PGR: variants seen among roughly 807,000 people sequenced by gnomAD.
PGR encodes the protein nuclear receptor subfamily 3 group C member 3.
A neutral mutation model predicts 76.1 loss-of-function variants in PGR; 25 were observed. The observed-to-expected ratio is 0.33, with a 90% CI of 0.24 to 0.46. The LOEUF (loss-of-function observed/expected upper bound fraction) is 0.46, where lower values mean the gene tolerates loss of function less well. PGR is among the 20% of genes least tolerant of loss of function. The pLI, the probability that PGR is intolerant of heterozygous loss-of-function variation, is 1.00. For missense variants in PGR, 1,172 were observed against 1,225.3 expected, an observed-to-expected ratio of 0.96 and a Z score of 0.65; for synonymous variants, 579 against 535.0, an observed-to-expected ratio of 1.08 and a Z score of -1.14.
intron 4 of PGR, among the ~76,000 whole-genome samples, chr11:101,053,899 T>C (rs941228901): frequency 2.0e-5 from 3 of 152,136 alleles, no homozygotes; most frequent in African/African-American, 4.8e-5. Context: ...ACCTTCCTAC[T>C]TTCCCACGGA....
intron 6 of PGR, 106 bp from the exon 7 acceptor site, chr11:101,042,208 T>A: frequency 8.5e-7 from 1 of 1,174,686 alleles, no homozygotes; most frequent in Non-Finnish European, 1.2e-6. Context: ...GATACATGAC[T>A]CTAGAAAAAA....
At position 101,127,596 on chromosome 11, in the gene PGR, C is replaced by G. The variant is rs753242711; in HGVS notation, c.1475G>C (p.Arg492Pro). 1.6e-5 allele frequency: 21 copies of G among 1,304,664 alleles called. No individual in the cohort carries two copies. Among genetic ancestry groups the G allele is most frequent in the Non-Finnish European group, 1.9e-5 (20 of 1,035,618 alleles). The allele number at this position is 1,304,664 out of a possible 1,614,324, so 80.8% of individuals were successfully genotyped here. A position where few individuals can be genotyped will look rare whatever the true frequency, so the allele number is the denominator to read the frequency against. Residue 492 changes from arginine to proline, a missense_variant, in exon 1 of 8, where the codon CGG (arginine) becomes CCG (proline). This residue lies in a region of PGR where 893 missense variants were observed against 785.9 expected (regional missense o/e 1.14). Coordinates refer to ENST00000325455, the MANE Select transcript of PGR (RefSeq NM_000926.4). ...APGASGCLLP[R>P]DGLPSTSASA... ...GGCGGAGGTGGAGGGCAGGCCGTCCCGCGGGAGCAGGCAGCCGCTCGCGCC... is the reference window on the plus strand; with the variant it reads ...GGCGGAGGTGGAGGGCAGGCCGTCCGGCGGGAGCAGGCAGCCGCTCGCGCC...
At chr11:101,094,280 A>G (rs1008308732) in intron 2 of PGR, among the ~76,000 whole-genome samples, 8 of 152,158 alleles carry the variant, frequency 5.3e-5, no homozygotes, top group African/African-American at 1.9e-4. Flanking sequence ...TGACTTGTAT[A>G]TTCACTATTC....
At chr11:101,115,686 G>A (rs472800) in intron 2 of PGR, among the ~76,000 whole-genome samples, 38,216 of 151,920 alleles carry the variant, frequency 0.25, 5,758 homozygotes, top group Non-Finnish European at 0.35. Flanking sequence ...CAGGAGAATC[G>A]CTTGAACCCA....
intron 2 of PGR, among the ~76,000 whole-genome samples, chr11:101,104,523 T>A (rs1219653114): frequency 6.6e-6 from 1 of 152,216 alleles, no homozygotes; most frequent in Non-Finnish European, 1.5e-5. Flanking sequence ...GTGTGTAATT[T>A]TCACCAGTTT....
intron 2 of PGR, among the ~76,000 whole-genome samples, chr11:101,110,590 C>CT (rs1439496484): frequency 1.3e-5 from 2 of 152,112 alleles, no homozygotes; most frequent in Non-Finnish European, 2.9e-5. Flanking sequence ...CAATCTGCTC[C>CT]TGGTGAAGAC....
At chr11:101,059,863 A>AAAAAAAAG (rs1860430312) in intron 4 of PGR, among the ~76,000 whole-genome samples, 29 of 141,224 alleles carry the variant, frequency 2.1e-4, no homozygotes, top group South Asian at 4.4e-4. Flanking sequence ...AAAAAAAAAG[A>AAAAAAAAG]AAAAAAAGAA....
chr11:101,064,545 C>T (rs933831114), intron 3 of PGR, among the ~76,000 whole-genome samples: 1 of 151,574 alleles, frequency 6.6e-6, no homozygotes, highest in Non-Finnish European at 1.5e-5. Context: ...TAGCATATGC[C>T]AGGAATTGTG....
intron 3 of PGR, among the ~76,000 whole-genome samples, chr11:101,074,971 T>G (rs1179700934): frequency 3.3e-5 from 5 of 152,144 alleles, no homozygotes; most frequent in South Asian, 2.1e-4. Flanking sequence ...TAGAAAAAAC[T>G]ACTTTAAATT....
chr11:101,058,724 A>C (rs1285840912), intron 4 of PGR, among the ~76,000 whole-genome samples: 2 of 152,216 alleles, frequency 1.3e-5, no homozygotes, highest in East Asian at 3.8e-4. Flanking sequence ...GGACAATTTA[A>C]AGGTGACACC....
chr11:101,104,237 G>A (rs1210670262), intron 2 of PGR, among the ~76,000 whole-genome samples: 1 of 152,098 alleles, frequency 6.6e-6, no homozygotes, highest in East Asian at 1.9e-4. Context: ...CAGAATCACT[G>A]GATATTTATG....
rs145296473 is a variant in PGR, at chr11:101,116,196, C to T, written c.1789+9811G>A. On this transcript the variant is annotated intron_variant, in intron 2 of 7. Coordinates refer to ENST00000325455, the MANE Select transcript of PGR (RefSeq NM_000926.4). ...TGTGGGCCTGTGTCCATTCTTGGCT[C>T]CATCTAGTCAGGAAGGATTCCTTAA... Among the ~76,000 whole-genome samples, 1,076 of 152,260 alleles carry T rather than the reference C, an allele frequency of 7.1e-3. 3 individuals carry two copies. The highest frequency in any genetic ancestry group is 0.02 in the Middle Eastern group (6 of 294).
chr11:101,127,302 C>A (rs1565371970), intron 1 of PGR, 132 bp downstream of exon 1: 12 of 578,656 alleles, frequency 2.1e-5, no homozygotes, highest in Non-Finnish European at 2.8e-5. Context: ...CTGTGTCCCG[C>A]TGCCCACCCT....
chr11:101,092,266 A>C lies in PGR; in HGVS notation c.1790-390T>G, dbSNP rs535526989. Among the ~76,000 whole-genome samples the C allele has an allele frequency of 4.3e-4, 65 of 152,332 alleles. 1 individual carries two copies. The highest frequency in any genetic ancestry group is 1.5e-3 in the African/African-American group (64 of 41,580). Reference sequence around the variant, plus strand: ...AGTAAAACCTTTCTTTCTGACATTGATGCCTTCAAGAAAACAGATACAGAC... The same window carrying C: ...AGTAAAACCTTTCTTTCTGACATTGCTGCCTTCAAGAAAACAGATACAGAC... On this transcript the variant is annotated intron_variant, in intron 2 of 7. Transcript: ENST00000325455.
At chr11:101,040,520 T>G (rs1216339801) in intron 7 of PGR, among the ~76,000 whole-genome samples, 1 of 152,062 alleles carries the variant, frequency 6.6e-6, no homozygotes, top group Non-Finnish European at 1.5e-5. Context: ...ATGGTTTGGC[T>G]AGGTATGAAA....
chr11:101,129,351 C>G lies in PGR; in HGVS notation c.-281G>C. On this transcript the variant is annotated 5_prime_UTR_variant, in exon 1 of 8. Transcript: ENST00000325455. Reference sequence around the variant, plus strand: ...GAAAAAGTAGTAATTGTTAGGAGATCTCGTCTCCTAACTCGGGGAGTTCTC... The same window carrying G: ...GAAAAAGTAGTAATTGTTAGGAGATGTCGTCTCCTAACTCGGGGAGTTCTC... 2.4e-6 allele frequency: 1 copy of G among 417,724 alleles called. No homozygotes were observed. Among genetic ancestry groups the G allele is most frequent in the Non-Finnish European group, 4.3e-6 (1 of 234,376 alleles). The allele number at this position is 417,724 out of a possible 1,614,324, so 25.9% of individuals were successfully genotyped here.
At chr11:101,060,980 C>A (rs1236753644) in intron 4 of PGR, among the ~76,000 whole-genome samples, 1 of 152,124 alleles carries the variant, frequency 6.6e-6, no homozygotes, top group African/African-American at 2.4e-5. Flanking sequence ...TGGTTATTTT[C>A]TAACGTTACC....
intron 4 of PGR, among the ~76,000 whole-genome samples, chr11:101,061,584 T>G (rs1001020576): frequency 6.6e-6 from 1 of 152,214 alleles, no homozygotes; most frequent in African/African-American, 2.4e-5. Flanking sequence ...TGTTTAATTC[T>G]TGATCAGATA....
At position 101,033,068 on chromosome 11, in the gene PGR, C is replaced by T. The variant is rs975062348; in HGVS notation, c.*6048G>A. On this transcript the variant is annotated 3_prime_UTR_variant, in exon 8 of 8. Transcript: ENST00000325455. ...TTTCTTTCAAATTTCAGTAAAAAGG[C>T]TTTAACTTAAACCCTTTGTGCTGAT... 3 of 201,980 alleles carry T rather than the reference C, an allele frequency of 1.5e-5. No homozygotes were observed. The highest frequency in any genetic ancestry group is 6.9e-5 in the African/African-American group (3 of 43,620). The allele number at this position is 201,980 out of a possible 1,614,324, so 12.5% of individuals were successfully genotyped here. A position where few individuals can be genotyped will look rare whatever the true frequency, so the allele number is the denominator to read the frequency against.
Sources: allele counts gnomAD v4.1 joint callset (sites outside exome capture counted in the v4.1 genomes callset), GRCh38; gene constraint gnomAD v4.1.1; regional missense constraint gnomAD v4.1.1; transcripts MANE v1.5; gene names NCBI Gene and HGNC (gene_info 2026-07-23, HGNC 2026-07-21).